The following RTCB variants were observed in gnomAD, a reference collection of about 807,000 sequenced individuals.
RTCB encodes RNA-splicing ligase RTCB.
In RTCB, 32 loss-of-function variants were observed where a neutral mutation model predicts 58.2. That is an observed-to-expected ratio of 0.55 (90% CI 0.41 to 0.74). RTCB has a LOEUF of 0.74. RTCB is among the 30% of genes least tolerant of loss of function. RTCB has a pLI of 0.00. For synonymous variants in RTCB, 247 were observed against 218.6 expected (o/e 1.13, Z -1.15); for missense variants, 523 against 639.0 (o/e 0.82, Z 1.96).
intron 7 of RTCB, among the ~76,000 whole-genome samples, chr22:32,397,036 G>T (rs1933256985): frequency 6.6e-6 from 1 of 152,156 alleles, no homozygotes; most frequent in Non-Finnish European, 1.5e-5. Flanking sequence ...ATATGAACCT[G>T]GGATCAATCA....
chr22:32,408,566 T>C (rs1933466545), intron 2 of RTCB, among the ~76,000 whole-genome samples, 189 bp downstream of exon 2: 1 of 152,224 alleles, frequency 6.6e-6, no homozygotes, highest in Admixed American at 6.5e-5. Context: ...AGATGGAGCT[T>C]CAAATCCGTT....
intron 6 of RTCB, 35 bp downstream of exon 6, chr22:32,399,568 A>C (rs1258369528): frequency 1.3e-6 from 2 of 1,546,520 alleles, no homozygotes; most frequent in Non-Finnish European, 8.8e-7. Context: ...AATATGAAAA[A>C]AAAATTAACA....
chr22:32,406,696 A>C lies in RTCB; in HGVS notation c.306T>G (p.Phe102Leu), dbSNP rs1933429656. 2 of 1,612,662 alleles carry C rather than the reference A, an allele frequency of 1.2e-6. No individual in the cohort carries two copies. The highest frequency in any genetic ancestry group is 2.2e-5 in the South Asian group (2 of 91,068). Residue 102 changes from phenylalanine (F) to leucine (L), a missense_variant, in exon 4 of 12, where the codon TTT becomes TTG. Transcript: ENST00000216038. ...CTACTGCTTCAGGGTCATTCATATC[A>C]AAGGCTGCCATGTTCCCAATAGCAA... Reference protein sequence around the residue: ...YGFAIGNMAAFDMNDPEAVVS... With the variant: ...YGFAIGNMAALDMNDPEAVVS...
intron 5 of RTCB, chr22:32,401,447 G>A (rs1408537626): frequency 8.7e-6 from 2 of 229,046 alleles, no homozygotes; most frequent in Admixed American, 5.5e-5. Context: ...AGATAATAGG[G>A]TTATTGTCTG....
Position 32,396,259 on chromosome 22 carries a change from G to C in RTCB, c.815-10C>G. 2 of 1,613,664 alleles carry C rather than the reference G, an allele frequency of 1.2e-6. No individual in the cohort carries two copies. The highest frequency in any genetic ancestry group is 1.7e-6 in the Non-Finnish European group (2 of 1,179,752). On this transcript the variant is annotated splice_polypyrimidine_tract_variant and intron_variant, in intron 7 of 11. Transcript: ENST00000216038. ...ATAGCTACCAGCGCATCTGGAACAA[G>C]AGCCACAAAGTCCAAACCAGTTAGC...
At position 32,412,131 on chromosome 22, in the gene RTCB, A is replaced by G. The variant is rs764726006; in HGVS notation, c.26T>C (p.Leu9Pro). 6.2e-7 allele frequency: 1 copy of G among 1,605,480 alleles called. No individual in the cohort carries two copies. ...TTTATTGATCTTCTCCAAGAACTGC[A>G]GCTCATCATTATAGCTGCGACTCAT... Reference protein sequence around the residue: MSRSYNDELQFLEKINKNC... With the variant: MSRSYNDEPQFLEKINKNC... Residue 9 changes from leucine (L) to proline (P), a missense_variant, in exon 1 of 12, where the codon CTG becomes CCG. This residue lies in a region of RTCB where 134 missense variants were observed against 129.9 expected (regional missense o/e 1.03). Coordinates refer to ENST00000216038, the MANE Select transcript of RTCB (RefSeq NM_014306.5).
chr22:32,399,969 C>T (rs1352440804), intron 5 of RTCB: 3 of 415,652 alleles, frequency 7.2e-6, no homozygotes, highest in African/African-American at 2.0e-5. Context: ...TGATAAATGC[C>T]CTATTAGACA....
In RTCB at chr22:32,392,292, G is replaced by A; in HGVS notation, c.1358C>T (p.Ala453Val). Reference protein sequence around the residue: ...LDFQDVLDKLADMGIAIRVAS... With the variant: ...LDFQDVLDKLVDMGIAIRVAS... ...AACACGGATCGCAATTCCCATATCT[G>A]CCAATTTGTCTAAGACATCCTGGAA... Residue 453 changes from alanine to valine, a missense_variant, in exon 11 of 12, where the codon GCA becomes GTA. By Grantham distance (64) the Ala-to-Val change is moderately conservative. Transcript: ENST00000216038. 1.2e-6 allele frequency: 2 copies of A among 1,614,012 alleles called. No homozygotes were observed. Among genetic ancestry groups the A allele is most frequent in the Non-Finnish European group, 1.7e-6 (2 of 1,179,958 alleles).
chr22:32,393,186 C>T (rs1601424469), intron 10 of RTCB, among the ~76,000 whole-genome samples: 1 of 152,300 alleles, frequency 6.6e-6, no homozygotes, highest in Admixed American at 6.5e-5. Flanking sequence ...TCCTCCTGCC[C>T]TGGCCTCCCA....
chr22:32,397,477 C>T (rs890390598), intron 7 of RTCB, among the ~76,000 whole-genome samples: 1 of 152,186 alleles, frequency 6.6e-6, no homozygotes, highest in Non-Finnish European at 1.5e-5. Flanking sequence ...TGGACATGAC[C>T]TTTACTTCAT....
At chr22:32,401,090 GTTT>G (rs536914312) in intron 5 of RTCB, among the ~76,000 whole-genome samples, 2 of 136,748 alleles carry the variant, frequency 1.5e-5, no homozygotes, top group Non-Finnish European at 3.1e-5. Flanking sequence ...CACCTACTAA[GTTT>G]TTTTTTTTTT....
chr22:32,406,631 A>C (rs112555897), intron 4 of RTCB, 31 bp downstream of exon 4: 5 of 1,508,266 alleles, frequency 3.3e-6, no homozygotes, highest in Middle Eastern at 1.7e-4. Context: ...AATGCTACAC[A>C]CTTAACAGCA....
chr22:32,403,554 A>G (rs1415471007), intron 4 of RTCB, among the ~76,000 whole-genome samples: 1 of 152,188 alleles, frequency 6.6e-6, no homozygotes, highest in African/African-American at 2.4e-5. Context: ...AACATTTAAG[A>G]TTTATTTTCT....
chr22:32,394,181 G>A (rs527245630), intron 9 of RTCB, among the ~76,000 whole-genome samples, 179 bp from the exon 10 acceptor site: 11 of 149,588 alleles, frequency 7.4e-5, no homozygotes, highest in South Asian at 2.1e-4. Flanking sequence ...GCGGGATCTC[G>A]GCTCACTGCA....
intron 1 of RTCB, among the ~76,000 whole-genome samples, chr22:32,411,545 C>A (rs776105817): frequency 1.3e-5 from 2 of 152,178 alleles, no homozygotes; most frequent in Non-Finnish European, 2.9e-5. Flanking sequence ...ACAGGCCCTG[C>A]CCTGCGCTAC....
In RTCB at chr22:32,387,760, A is replaced by C. The variant is rs1204077730; in HGVS notation, c.*232T>G. ...AAACTCTGTGGAACAACCAAGGAGA[A>C]GGCATATTCCTCCCTTTCCAAAGGT... On this transcript the variant is annotated 3_prime_UTR_variant, in exon 12 of 12. Coordinates refer to ENST00000216038, the MANE Select transcript of RTCB (RefSeq NM_014306.5). 1.5e-5 allele frequency: 7 copies of C among 460,758 alleles called. No homozygotes were observed. Among genetic ancestry groups the C allele is most frequent in the African/African-American group, 3.9e-5 (2 of 51,378 alleles). The allele number at this position is 460,758 out of a possible 1,614,324, so 28.5% of individuals were successfully genotyped here. A position where few individuals can be genotyped will look rare whatever the true frequency, so the allele number is the denominator to read the frequency against.
At chr22:32,388,792 C>A (rs183341595) in intron 11 of RTCB, among the ~76,000 whole-genome samples, 1 of 152,276 alleles carries the variant, frequency 6.6e-6, no homozygotes, top group East Asian at 1.9e-4. Flanking sequence ...TACATAATAT[C>A]CTTTTCTATC....
At chr22:32,391,951 A>G (rs5749421) in intron 11 of RTCB, among the ~76,000 whole-genome samples, 65,326 of 151,998 alleles carry the variant, frequency 0.43, 14,975 homozygotes, top group African/African-American at 0.61. Flanking sequence ...TTGTGCAAAA[A>G]CAAGAGTCAG....
At chr22:32,407,152 G>A (rs534311279) in intron 3 of RTCB, among the ~76,000 whole-genome samples, 1 of 152,308 alleles carries the variant, frequency 6.6e-6, no homozygotes, top group East Asian at 1.9e-4. Context: ...ATTAGTTTAA[G>A]TAATCACAGC....
Sources: gnomAD v4.1 joint callset for allele counts (sites outside exome capture counted in the v4.1 genomes callset) on GRCh38, gnomAD v4.1.1 for gene constraint, gnomAD v4.1.1 regional missense constraint, MANE v1.5 for transcripts, NCBI Gene and HGNC (gene_info 2026-07-23, HGNC 2026-07-21) for gene names.